The following L3MBTL4 variants were observed in gnomAD, a reference collection of about 807,000 sequenced individuals.
L3MBTL4 encodes the protein L3MBTL histone methyl-lysine binding protein 4, also known as lethal(3)malignant brain tumor-like protein 4.
Under a neutral mutation model 84.5 loss-of-function variants are expected in L3MBTL4, and 70 were observed. The observed-to-expected ratio is 0.83, with a 90% CI of 0.68 to 1.01. The LOEUF is 1.01. L3MBTL4 is among the 50% of genes least tolerant of loss of function. The probability of loss-of-function intolerance (pLI) is 0.00; values close to 1 mark genes in which losing one functional copy is unlikely to be tolerated. For synonymous variants in L3MBTL4, 274 were observed against 259.8 expected (o/e 1.05, Z -0.52); for missense variants, 715 against 754.8 (o/e 0.95, Z 0.62).
intron 5 of L3MBTL4, among the ~76,000 whole-genome samples, chr18:6,263,005 G>A (rs189448750): frequency 6.3e-4 from 96 of 152,318 alleles, no homozygotes; most frequent in African/African-American, 2.0e-3. Flanking sequence ...TGGGCACGGC[G>A]GCTTACGCCT....
intron 4 of L3MBTL4, among the ~76,000 whole-genome samples, chr18:6,297,376 G>C (rs2050149319): frequency 6.6e-6 from 1 of 152,180 alleles, no homozygotes; most frequent in South Asian, 2.1e-4. Context: ...GGTGATATCT[G>C]AATGAAGTCT....
At chr18:6,138,397 A>C in intron 13 of L3MBTL4, 101 bp from the exon 14 acceptor site, 1 of 719,188 alleles carries the variant, frequency 1.4e-6, no homozygotes, top group Non-Finnish European at 2.3e-6. Flanking sequence ...ACAAATTAAA[A>C]ACAAACCATC....
chr18:6,165,243 T>C (rs573475071), intron 13 of L3MBTL4, among the ~76,000 whole-genome samples: 4 of 152,304 alleles, frequency 2.6e-5, no homozygotes, highest in East Asian at 1.9e-4. Context: ...TGGAACCAAG[T>C]TGGAAAACAC....
intron 14 of L3MBTL4, among the ~76,000 whole-genome samples, chr18:6,112,995 G>A (rs989367683): frequency 6.6e-6 from 1 of 152,096 alleles, no homozygotes; most frequent in Non-Finnish European, 1.5e-5. Context: ...GGTAAGTGAT[G>A]AATTTTTTCA....
chr18:6,055,122 T>A (rs150764040), intron 16 of L3MBTL4, among the ~76,000 whole-genome samples: 9 of 152,344 alleles, frequency 5.9e-5, no homozygotes, highest in Admixed American at 4.6e-4. Context: ...CAGTGACTAG[T>A]TATATCATCC....
intron 16 of L3MBTL4, among the ~76,000 whole-genome samples, chr18:5,982,180 G>C (rs918475058): frequency 4.6e-5 from 7 of 152,114 alleles, no homozygotes; most frequent in African/African-American, 1.4e-4. Flanking sequence ...AGTCCTGCTA[G>C]TGGAGCTACG....
At chr18:6,240,385 T>C (rs1396365564) in intron 8 of L3MBTL4, among the ~76,000 whole-genome samples, 1 of 150,252 alleles carries the variant, frequency 6.7e-6, no homozygotes, top group Non-Finnish European at 1.5e-5. Flanking sequence ...AAATTATAAT[T>C]TAAAATGTGT....
chr18:6,360,003 G>C (rs992395130), intron 1 of L3MBTL4, among the ~76,000 whole-genome samples: 1 of 152,116 alleles, frequency 6.6e-6, no homozygotes, highest in Non-Finnish European at 1.5e-5. Context: ...CAACAAGCTG[G>C]CAAGTAAAAG....
intron 4 of L3MBTL4, among the ~76,000 whole-genome samples, chr18:6,292,333 G>A (rs1212344563): frequency 2.0e-5 from 3 of 152,092 alleles, no homozygotes; most frequent in Middle Eastern, 3.4e-3. Flanking sequence ...ATTATTTTTT[G>A]CATTATGATT....
intron 1 of L3MBTL4, among the ~76,000 whole-genome samples, chr18:6,340,927 C>T (rs956752033): frequency 1.3e-5 from 2 of 152,138 alleles, no homozygotes; most frequent in African/African-American, 4.8e-5. Flanking sequence ...GGTCACTGCA[C>T]TAGGGAAAAT....
At chr18:6,168,968 C>A (rs1011825819) in intron 13 of L3MBTL4, among the ~76,000 whole-genome samples, 197 of 151,748 alleles carry the variant, frequency 1.3e-3, no homozygotes, top group African/African-American at 4.4e-3. Context: ...CAATGAACTC[C>A]AACAAATTTA....
intron 4 of L3MBTL4, among the ~76,000 whole-genome samples, chr18:6,283,607 G>GAATA (rs141449133): frequency 0.18 from 26,820 of 152,030 alleles, 2,407 homozygotes; most frequent in East Asian, 0.23. Context: ...TTTTAAAAAT[G>GAATA]AATAAATTCC....
intron 14 of L3MBTL4, among the ~76,000 whole-genome samples, chr18:6,116,425 A>G (rs1363916633): frequency 6.7e-6 from 1 of 148,190 alleles, no homozygotes; most frequent in Non-Finnish European, 1.5e-5. Flanking sequence ...CAAGTGGCAC[A>G]CGATCTCAGT....
intron 16 of L3MBTL4, among the ~76,000 whole-genome samples, chr18:5,975,704 A>C (rs1418204948): frequency 6.6e-6 from 1 of 152,182 alleles, no homozygotes; most frequent in Non-Finnish European, 1.5e-5. Context: ...CAAAAGTAAA[A>C]AGCAGAACAA....
intron 14 of L3MBTL4, among the ~76,000 whole-genome samples, chr18:6,113,478 A>AAG (rs2059260541): frequency 6.6e-6 from 1 of 151,196 alleles, no homozygotes; most frequent in Admixed American, 6.6e-5. Flanking sequence ...AAAAAAAAAA[A>AAG]AAAAAGCAAA....
intron 4 of L3MBTL4, among the ~76,000 whole-genome samples, chr18:6,297,028 T>TG (rs2050136199): frequency 6.6e-6 from 1 of 152,042 alleles, no homozygotes; most frequent in African/African-American, 2.4e-5. Context: ...AATCTTCAAG[T>TG]GGAAGAAAAA....
intron 10 of L3MBTL4, among the ~76,000 whole-genome samples, chr18:6,222,390 C>T (rs994442662): frequency 1.3e-5 from 2 of 152,116 alleles, no homozygotes; most frequent in African/African-American, 4.8e-5. Flanking sequence ...CCAGAATACA[C>T]TATGTAAAGA....
intron 17 of L3MBTL4, among the ~76,000 whole-genome samples, chr18:5,968,412 T>C (rs2052457719): frequency 6.6e-6 from 1 of 152,126 alleles, no homozygotes; most frequent in African/African-American, 2.4e-5. Context: ...ATAACCAATA[T>C]TGAAGCTAGG....
chr18:6,078,945 T>C (rs2057971126), intron 16 of L3MBTL4, among the ~76,000 whole-genome samples: 1 of 152,146 alleles, frequency 6.6e-6, no homozygotes, highest in Admixed American at 6.5e-5. Context: ...GCAATCTAGA[T>C]CCCTCACATG....
Sources: gnomAD v4.1 joint callset for allele counts (sites outside exome capture counted in the v4.1 genomes callset) on GRCh38, gnomAD v4.1.1 for gene constraint, MANE v1.5 for transcripts, NCBI Gene and HGNC (gene_info 2026-07-23, HGNC 2026-07-21) for gene names.